Variants in ODF2 observed in about 807,000 individuals in gnomAD.
The protein encoded by ODF2 is outer dense fiber protein 2.
ODF2 carries 47 observed loss-of-function variants against 110.2 expected under a neutral mutation model. That is an observed-to-expected ratio of 0.43 (90% CI 0.34 to 0.54). ODF2 has a LOEUF of 0.54. ODF2 is among the 20% of genes least tolerant of loss of function. The pLI, the probability that ODF2 is intolerant of heterozygous loss-of-function variation, is 0.03. For synonymous variants in ODF2, 352 were observed against 397.7 expected, an observed-to-expected ratio of 0.89 and a Z score of 1.37; for missense variants, 812 against 1,054.5, an observed-to-expected ratio of 0.77 and a Z score of 3.19.
Position 128,471,549 on chromosome 9 carries a change from A to T in ODF2, c.581+81A>T, listed in dbSNP as rs141959836. The T allele has an allele frequency of 1.6e-3, 2,306 of 1,437,654 alleles. 29 individuals carry two copies. In the African/African-American group the frequency reaches 0.029, roughly 18 times the overall value. 89.1% of individuals were successfully genotyped at this position (1,437,654 alleles called of 1,614,324 possible). On this transcript the variant is annotated intron_variant, in intron 6 of 20. Coordinates refer to ENST00000604420, the Ensembl canonical transcript of ODF2. The stretch of plus-strand genomic sequence containing the variant: ...TGAGCCCTGGGCAATAATGGAAAGC[A>T]ACGTAGGAGGTGGGCACAGGCACTG...
intron 3 of ODF2, 97 bp downstream of exon 3, chr9:128,460,763 CAA>C: frequency 6.5e-7 from 1 of 1,544,312 alleles, no homozygotes; most frequent in South Asian, 1.2e-5. Context: ...GTTTGGGAGA[CAA>C]ACACACTCTT....
chr9:128,490,594 A>G (rs1588963871), intron 14 of ODF2, among the ~76,000 whole-genome samples: 2 of 152,126 alleles, frequency 1.3e-5, no homozygotes, highest in Admixed American at 6.6e-5. Flanking sequence ...CTTTCCTAGT[A>G]TAATTATAAA....
chr9:128,473,693 G>A, exon 8 of ODF2: 2 of 1,613,748 alleles, frequency 1.2e-6, no homozygotes, highest in Non-Finnish European at 1.7e-6. Flanking sequence ...CATTTGAGGA[G>A]ACCAACCGCA....
chr9:128,473,478 G>C, intron 7 of ODF2, 132 bp from the exon 8 acceptor site: 1 of 1,411,480 alleles, frequency 7.1e-7, no homozygotes, highest in African/African-American at 1.4e-5. Flanking sequence ...ACCTGCCCTT[G>C]ATCACCTTGG....
At chr9:128,498,861 C>A in intron 19 of ODF2, 140 bp from the exon 20 acceptor site, 1 of 1,181,700 alleles carries the variant, frequency 8.5e-7, no homozygotes, top group Non-Finnish European at 1.2e-6. Context: ...TTAGTTCCTG[C>A]CCCAGCGTTC....
At chr9:128,498,420 G>A (rs780455934) in exon 19 of ODF2, 3 of 1,592,024 alleles carry the variant, frequency 1.9e-6, no homozygotes, top group Non-Finnish European at 2.6e-6. Flanking sequence ...TAGGAAACTG[G>A]AGGCGACCAG....
intron 4 of ODF2, among the ~76,000 whole-genome samples, chr9:128,466,848 G>C (rs1838060277): frequency 6.8e-6 from 1 of 147,522 alleles, no homozygotes; most frequent in Admixed American, 6.8e-5. Flanking sequence ...ATGGTGGCGG[G>C]CACCTGTAGT....
In ODF2 at chr9:128,471,373, G is replaced by A. The variant is rs746688866; in HGVS notation, c.486G>A (p.Leu162=). 1.5e-5 allele frequency: 25 copies of A among 1,613,424 alleles called. No individual in the cohort carries two copies. The East Asian group carries it at 5.4e-4, about 35-fold the overall frequency. ...TCCTGGAGGAACGGAAGGAAGAGCT[G>A]GAGGAGGTGGCCCACGAACTGGCTG... The change falls in exon 6 of 21, where the codon CTG becomes CTA. Residue 162 remains leucine, a synonymous_variant. Transcript: ENST00000604420.
intron 8 of ODF2, among the ~76,000 whole-genome samples, chr9:128,477,096 G>A (rs1841436479): frequency 6.6e-6 from 1 of 151,588 alleles, no homozygotes; most frequent in South Asian, 2.1e-4. Flanking sequence ...ATACAAAAAT[G>A]TGATGGGTAC....
intron 1 of ODF2, chr9:128,456,703 G>T: frequency 7.3e-7 from 1 of 1,378,192 alleles, no homozygotes; most frequent in South Asian, 1.6e-5. Flanking sequence ...TACGCCCTCC[G>T]TAGGCAGCGC....
intron 4 of ODF2, among the ~76,000 whole-genome samples, chr9:128,462,642 C>G (rs962006539): frequency 1.3e-5 from 2 of 151,696 alleles, no homozygotes; most frequent in Non-Finnish European, 2.9e-5. Flanking sequence ...CTCTGTCACC[C>G]AGGCTGGAGT....
At chr9:128,492,876 C>T (rs909388421) in intron 16 of ODF2, 71 bp downstream of exon 16, 10 of 1,359,914 alleles carry the variant, frequency 7.4e-6, no homozygotes, top group Non-Finnish European at 1.0e-5. Context: ...TGAGTCTGTT[C>T]CCCTTGTTTG....
exon 12 of ODF2, chr9:128,484,856 T>C (rs779686961): frequency 6.2e-7 from 1 of 1,613,912 alleles, no homozygotes; most frequent in Non-Finnish European, 8.5e-7. Context: ...AGGAGTATGC[T>C]GAGCAGCTAC....
intron 17 of ODF2, among the ~76,000 whole-genome samples, chr9:128,495,639 A>G (rs369885823): frequency 2.0e-5 from 3 of 152,206 alleles, no homozygotes; most frequent in African/African-American, 7.2e-5. Context: ...ACTTGTCCCC[A>G]GTTAAGAGGA....
Position 128,494,840 on chromosome 9 carries a change from C to A in ODF2, c.1911+172C>A. 1 of 1,497,792 alleles carries A rather than the reference C, an allele frequency of 6.7e-7. No homozygotes were observed. The highest frequency in any genetic ancestry group is 1.3e-5 in the South Asian group (1 of 75,436). The allele number at this position is 1,497,792 out of a possible 1,614,324, so 92.8% of individuals were successfully genotyped here. ...AATAAAAGTCTGGTGTGCCAAATGC[C>A]ATGTGTTTGCACAAAGTGATTGTAG... On this transcript the variant is annotated intron_variant, in intron 17 of 20. Transcript: ENST00000604420. This position sits in a 1 kb window ranked among gnomAD's most constrained non-coding sequence, Gnocchi z 4.6.
intron 4 of ODF2, 25 bp from the exon 5 acceptor site, chr9:128,469,158 T>C (rs774180498): frequency 5.6e-6 from 9 of 1,608,580 alleles, no homozygotes; most frequent in Admixed American, 3.4e-5. Flanking sequence ...TCTGAGTTCA[T>C]GTGTTTCTCC....
In ODF2 at chr9:128,471,294, G is replaced by A. The variant is rs1298763876; in HGVS notation, c.421-14G>A. ...CCTCCCTTCAGTGGCCCCTGCCTGG[G>A]TCCCCCTGCTCAGGTCAAGATGCAA... On this transcript the variant is annotated splice_polypyrimidine_tract_variant and intron_variant, in intron 5 of 20. Transcript: ENST00000604420. The A allele has an allele frequency of 1.9e-6, 3 of 1,591,732 alleles. No homozygotes were observed. Among genetic ancestry groups the A allele is most frequent in the African/African-American group, 1.4e-5 (1 of 73,336 alleles).
At chr9:128,457,221 A>C (rs1229562556) in exon 2 of ODF2, 3 of 1,561,948 alleles carry the variant, frequency 1.9e-6, no homozygotes, top group Non-Finnish European at 2.6e-6. Context: ...CGACTTGGAC[A>C]GTAGAGGAGC....
intron 4 of ODF2, among the ~76,000 whole-genome samples, chr9:128,466,340 A>G (rs949204960): frequency 2.0e-5 from 3 of 151,586 alleles, no homozygotes; most frequent in Non-Finnish European, 4.4e-5. Flanking sequence ...GGTGGTGTGC[A>G]CTTGTGGTCC....
Sources: allele counts gnomAD v4.1 joint callset (sites outside exome capture counted in the v4.1 genomes callset), GRCh38; gene constraint gnomAD v4.1.1; non-coding constraint Gnocchi (gnomAD v3.1); transcripts MANE v1.5; gene names NCBI Gene and HGNC (gene_info 2026-07-23, HGNC 2026-07-21).